The following HTR2C variants were observed in gnomAD, a reference collection of about 807,000 sequenced individuals.
HTR2C encodes 5-hydroxytryptamine (serotonin) receptor 2C, G protein-coupled.
HTR2C carries 5 observed loss-of-function variants against 21.0 expected under a neutral mutation model. That is an observed-to-expected ratio of 0.24 (90% CI 0.12 to 0.50). HTR2C has a LOEUF of 0.50. HTR2C is among the 20% of genes least tolerant of loss of function. The pLI, the probability that HTR2C is intolerant of heterozygous loss-of-function variation, is 0.98. For missense variants in HTR2C, 271 were observed against 371.2 expected, an observed-to-expected ratio of 0.73 and a Z score of 2.22; for synonymous variants, 150 against 145.3, an observed-to-expected ratio of 1.03 and a Z score of -0.23.
intron 5 of HTR2C, among the ~76,000 whole-genome samples, chrX:114,859,154 C>A (rs2070986822): frequency 9.0e-6 from 1 of 110,750 alleles, no homozygotes; most frequent in African/African-American, 3.3e-5. Flanking sequence ...GTTTTGGTAG[C>A]AGGGTATGCA....
At chrX:114,868,984 C>T (rs1379383449) in intron 5 of HTR2C, among the ~76,000 whole-genome samples, 8 of 110,180 alleles carry the variant, frequency 7.3e-5, no homozygotes, top group African/African-American at 2.6e-4. Context: ...AATGCTATCC[C>T]TCCCCCAGCC....
intron 5 of HTR2C, among the ~76,000 whole-genome samples, chrX:114,875,187 A>G (rs782638722): frequency 1.8e-5 from 2 of 111,028 alleles, no homozygotes; most frequent in South Asian, 7.8e-4. Context: ...AATTTCATTC[A>G]TGAGGGATCT....
intron 4 of HTR2C, among the ~76,000 whole-genome samples, chrX:114,761,958 T>C (rs868968662): frequency 2.0e-3 from 211 of 105,752 alleles, no homozygotes; most frequent in African/African-American, 7.5e-3. Context: ...CGTGTATATA[T>C]ACATATATGT....
At chrX:114,657,082 G>C (rs950031733) in intron 2 of HTR2C, among the ~76,000 whole-genome samples, 8 of 110,964 alleles carry the variant, frequency 7.2e-5, no homozygotes, top group Non-Finnish European at 1.3e-4. Context: ...AAATAAAGAA[G>C]TGCAGCTCAA....
At chrX:114,803,873 T>G (rs2070376928) in intron 4 of HTR2C, among the ~76,000 whole-genome samples, 1 of 112,051 alleles carries the variant, frequency 8.9e-6, no homozygotes, top group South Asian at 3.7e-4. Context: ...TTATAATTCC[T>G]CTATTTTCAC....
intron 5 of HTR2C, among the ~76,000 whole-genome samples, chrX:114,893,566 A>G (rs1424560906): frequency 8.9e-6 from 1 of 111,905 alleles, no homozygotes; most frequent in African/African-American, 3.2e-5. Flanking sequence ...CAGATCATCA[A>G]TCTAAATATA....
intron 2 of HTR2C, among the ~76,000 whole-genome samples, chrX:114,693,725 C>A (rs191107579): frequency 1.8e-5 from 2 of 111,546 alleles, no homozygotes; most frequent in Admixed American, 1.9e-4. Context: ...GAACCACTGA[C>A]CTAGAGCATA....
At chrX:114,634,032 A>AATCT (rs1475385104) in intron 2 of HTR2C, among the ~76,000 whole-genome samples, 1 of 108,839 alleles carries the variant, frequency 9.2e-6, no homozygotes, top group African/African-American at 3.3e-5. Flanking sequence ...GTTGTGTATG[A>AATCT]ATCTATAATA....
rs1385204377 is a variant in HTR2C at position 114,820,114 on chromosome X, G to A, written c.350-27889G>A. Among the ~76,000 whole-genome samples the A allele has an allele frequency of 3.9e-4, 43 of 110,142 alleles. 1 individual carries two copies. Among genetic ancestry groups the A allele is most frequent in the Admixed American group, 3.2e-3 (33 of 10,194 alleles). ...GAACTCAGTTTTAAGGATTTTCTGC[G>A]TTCCCCTTTGCCAAGAGAGGGTCTG... is the stretch of plus-strand genomic sequence containing the variant. On this transcript the variant is annotated intron_variant, in intron 4 of 5. Coordinates refer to ENST00000276198, the MANE Select transcript of HTR2C (RefSeq NM_000868.4).
chrX:114,650,300 G>T (rs1930510996), intron 2 of HTR2C, among the ~76,000 whole-genome samples: 1 of 111,577 alleles, frequency 9.0e-6, no homozygotes, highest in African/African-American at 3.3e-5. Flanking sequence ...AATATTAGTT[G>T]TTTAGTTGAT....
intron 2 of HTR2C, among the ~76,000 whole-genome samples, chrX:114,627,991 G>A (rs1740767217): frequency 2.7e-5 from 3 of 111,240 alleles, no homozygotes; most frequent in Admixed American, 1.9e-4. Context: ...ATGCCTAGTG[G>A]ATCCTGAAAA....
intron 5 of HTR2C, among the ~76,000 whole-genome samples, chrX:114,906,322 G>C (rs782491865): frequency 9.0e-6 from 1 of 111,590 alleles, no homozygotes; most frequent in Non-Finnish European, 1.9e-5. Flanking sequence ...ACACAACCGT[G>C]TCTCTAATAT....
At chrX:114,847,592 A>AT (rs1202087600) in intron 4 of HTR2C, among the ~76,000 whole-genome samples, 9 of 36,510 alleles carry the variant, frequency 2.5e-4, no homozygotes, top group Non-Finnish European at 3.7e-4. Context: ...TATAATAATA[A>AT]TTAAAAAAAA....
chrX:114,700,741 C>T (rs1384048739), intron 2 of HTR2C, among the ~76,000 whole-genome samples: 3 of 112,209 alleles, frequency 2.7e-5, no homozygotes, highest in Admixed American at 9.4e-5. Context: ...GTGCGCGAGC[C>T]GAAGCACGGC....
intron 2 of HTR2C, among the ~76,000 whole-genome samples, chrX:114,694,492 T>TACAC (rs1342052056): frequency 5.9e-5 from 1 of 16,941 alleles, no homozygotes; most frequent in African/African-American, 1.6e-4. Context: ...TATATATATA[T>TACAC]ACACACACAG....
intron 4 of HTR2C, among the ~76,000 whole-genome samples, chrX:114,836,055 C>A (rs1478453802): frequency 1.8e-5 from 2 of 108,562 alleles, no homozygotes; most frequent in African/African-American, 6.7e-5. Context: ...AGGAGGCAGT[C>A]TGCCCGTTCT....
intron 1 of HTR2C, among the ~76,000 whole-genome samples, chrX:114,601,109 T>G (rs1368450787): frequency 8.9e-6 from 1 of 112,277 alleles, no homozygotes; most frequent in Non-Finnish European, 1.9e-5. Context: ...AAACTGTCAC[T>G]AGTTTTTTAC....
At chrX:114,855,385 G>T (rs952951430) in intron 5 of HTR2C, among the ~76,000 whole-genome samples, 1 of 110,852 alleles carries the variant, frequency 9.0e-6, no homozygotes, top group Non-Finnish European at 1.9e-5. Flanking sequence ...CTCAATGTTG[G>T]TATATTTCAC....
chrX:114,798,189 C>T (rs1391567950), intron 4 of HTR2C, among the ~76,000 whole-genome samples: 11 of 110,883 alleles, frequency 9.9e-5, no homozygotes, highest in Admixed American at 6.8e-4. Flanking sequence ...AAATTCAAAG[C>T]GCTCTGTTCC....
Sources: allele counts gnomAD v4.1 joint callset (sites outside exome capture counted in the v4.1 genomes callset), GRCh38; gene constraint gnomAD v4.1.1; transcripts MANE v1.5; gene names NCBI Gene and HGNC (gene_info 2026-07-23, HGNC 2026-07-21).